DNAH11: variants seen among roughly 807,000 people sequenced by gnomAD.
DNAH11 encodes dynein axonemal heavy chain 11, also known as axonemal beta dynein heavy chain 11.
Under a neutral mutation model 526.0 loss-of-function variants are expected in DNAH11, and 442 were observed. The observed-to-expected ratio is 0.84, with a 90% CI of 0.78 to 0.91. The LOEUF is 0.91. Ranked by LOEUF, DNAH11 falls within the 40% of genes least tolerant of loss-of-function variation. The pLI is 0.00. For synonymous variants in DNAH11, 2,461 were observed against 1,935.9 expected (o/e 1.27, Z -7.12); for missense variants, 6,989 against 5,448.7 (o/e 1.28, Z -8.90).
chr7:21,854,475 G>A lies in DNAH11; in HGVS notation c.11202+20G>A. 6.2e-7 allele frequency: 1 copy of A among 1,606,518 alleles called. No individual in the cohort carries two copies. Among genetic ancestry groups the A allele is most frequent in the Non-Finnish European group, 8.5e-7 (1 of 1,177,590 alleles). On this transcript the variant is annotated intron_variant, in intron 68 of 81. Coordinates refer to ENST00000409508, the MANE Select transcript of DNAH11 (RefSeq NM_001277115.2). ...TTGAAGGTAATGCTGAATGAGCTAA[G>A]AAATATGGGAAACTTTAGGAGTTCA... is the stretch of plus-strand genomic sequence containing the variant.
At chr7:21,571,422 G>A (rs1783884710) in intron 7 of DNAH11, among the ~76,000 whole-genome samples, 1 of 152,016 alleles carries the variant, frequency 6.6e-6, no homozygotes, top group South Asian at 2.1e-4. Flanking sequence ...TGGGACTACA[G>A]GTGCACGCCA....
chr7:21,892,706 A>T (rs768387370), intron 77 of DNAH11, 39 bp downstream of exon 77: 2 of 1,533,164 alleles, frequency 1.3e-6, no homozygotes, highest in Non-Finnish European at 8.8e-7. Context: ...TCATTGAAGT[A>T]TAACTTACTT....
chr7:21,812,494 C>T (rs1297412016), intron 63 of DNAH11, among the ~76,000 whole-genome samples: 1 of 148,008 alleles, frequency 6.8e-6, no homozygotes, highest in Non-Finnish European at 1.5e-5. Flanking sequence ...CACAGTGAGA[C>T]ACTATCTATA....
chr7:21,702,143 T>C (rs1488730924), intron 36 of DNAH11, among the ~76,000 whole-genome samples: 6 of 152,154 alleles, frequency 3.9e-5, no homozygotes, highest in Non-Finnish European at 7.4e-5. Context: ...CTCTAAGAGC[T>C]CAGACCCTGT....
At chr7:21,740,112 G>C (rs1218040732) in intron 48 of DNAH11, among the ~76,000 whole-genome samples, 2 of 152,082 alleles carry the variant, frequency 1.3e-5, no homozygotes, top group Non-Finnish European at 2.9e-5. Flanking sequence ...ATATAGAATA[G>C]TGTCACTGCC....
intron 22 of DNAH11, 95 bp from the exon 23 acceptor site, chr7:21,617,524 C>A: frequency 7.2e-7 from 1 of 1,397,020 alleles, no homozygotes; most frequent in Non-Finnish European, 9.8e-7. Context: ...CTTTTCTAAT[C>A]CAGGAGTTGG....
chr7:21,720,212 C>T (rs1012335314), intron 43 of DNAH11, among the ~76,000 whole-genome samples: 2 of 152,140 alleles, frequency 1.3e-5, no homozygotes, highest in African/African-American at 4.8e-5. Context: ...GCTGCCAAAG[C>T]GCTTACCGAA....
Position 21,872,135 on chromosome 7 carries a change from A to AAAAAAAAAAAAAAC in DNAH11, c.11968-1126_11968-1125insCAAAAAAAAAAAAA, listed in dbSNP as rs1562595924. 1.2e-4 allele frequency among the ~76,000 whole-genome samples: 17 copies of AAAAAAAAAAAAAAC among 137,242 alleles called. 2 individuals carry two copies. Among genetic ancestry groups the AAAAAAAAAAAAAAC allele is most frequent in the Non-Finnish European group, 2.0e-4 (13 of 64,298 alleles). The allele number at this position is 137,242 out of a possible 152,430, so 90.0% of individuals were successfully genotyped here. A position where few individuals can be genotyped will look rare whatever the true frequency, so the allele number is the denominator to read the frequency against. On this transcript the variant is annotated intron_variant, in intron 73 of 81. Transcript: ENST00000409508. ...CGAGACTCTGTCTCAAAAAAAAAAA[A>AAAAAAAAAAAAAAC]AAAAAAAAAAAAAACCTTCATAATG...
In DNAH11 at chr7:21,561,119, C is replaced by G; in HGVS notation, c.931C>G (p.Gln311Glu). Residue 311 changes from glutamine (Q) to glutamate (E), a missense_variant, in exon 5 of 82, where the codon CAA becomes GAA. Transcript: ENST00000409508. Reference protein sequence around the residue: ...LKMVKILTTKQSSYFPTLKDI... With the variant: ...LKMVKILTTKESSYFPTLKDI... ...AATGGTTAAGATCCTGACAACTAAA[C>G]AAAGCAGCTATTTTCCTACTCTGAA... The G allele has an allele frequency of 6.2e-7, 1 of 1,605,396 alleles. No individual in the cohort carries two copies. Among genetic ancestry groups the G allele is most frequent in the Non-Finnish European group, 8.5e-7 (1 of 1,175,742 alleles).
Position 21,855,029 on chromosome 7 carries a change from A to ATTT in DNAH11, c.11202+592_11202+594dup, listed in dbSNP as rs61635369. On this transcript the variant is annotated intron_variant, in intron 68 of 81. Coordinates refer to ENST00000409508, the MANE Select transcript of DNAH11 (RefSeq NM_001277115.2). ...TGTATTGCTCCTGAGCAGTCTCTTA[A>ATTT]TTTTTTTTTTTTTTTTTTTTGGGAT... is the stretch of plus-strand genomic sequence containing the variant. Among the ~76,000 whole-genome samples the ATTT allele has an allele frequency of 4.6e-3, 523 of 114,530 alleles. 7 individuals are homozygous for ATTT. Among genetic ancestry groups the ATTT allele is most frequent in the African/African-American group, 0.016 (480 of 30,446 alleles). 75.1% of individuals were successfully genotyped at this position (114,530 alleles called of 152,430 possible).
intron 18 of DNAH11, among the ~76,000 whole-genome samples, chr7:21,602,322 AG>A (rs1785122311): frequency 6.6e-6 from 1 of 152,138 alleles, no homozygotes. Flanking sequence ...ATGGGGACAA[AG>A]CGAGACTCCT....
intron 28 of DNAH11, among the ~76,000 whole-genome samples, chr7:21,647,071 A>G (rs1787388303): frequency 1.3e-5 from 2 of 152,222 alleles, no homozygotes; most frequent in East Asian, 1.9e-4. Flanking sequence ...CATGTGTTCA[A>G]AAAGTTAAGT....
chr7:21,552,011 C>A (rs1317264244), intron 2 of DNAH11, among the ~76,000 whole-genome samples: 1 of 152,208 alleles, frequency 6.6e-6, no homozygotes, highest in African/African-American at 2.4e-5. Flanking sequence ...ACTCTCCTAG[C>A]AGCAGGGCTG....
chr7:21,824,975 G>T (rs1283454630), intron 65 of DNAH11, among the ~76,000 whole-genome samples: 1 of 152,092 alleles, frequency 6.6e-6, no homozygotes, highest in Non-Finnish European at 1.5e-5. Context: ...AGGTTCAAGT[G>T]ATTCTCCTGC....
intron 44 of DNAH11, among the ~76,000 whole-genome samples, chr7:21,723,173 A>C (rs1466518445): frequency 6.6e-6 from 1 of 152,242 alleles, no homozygotes; most frequent in Non-Finnish European, 1.5e-5. Context: ...TTGGTAGCTT[A>C]ACAAATTGAG....
intron 79 of DNAH11, among the ~76,000 whole-genome samples, chr7:21,895,661 A>C (rs573760327): frequency 1.3e-5 from 2 of 152,230 alleles, no homozygotes; most frequent in South Asian, 4.1e-4. Context: ...TATTCCATGA[A>C]CCTCAACTAT....
chr7:21,622,999 A>G (rs1160231419), intron 25 of DNAH11, among the ~76,000 whole-genome samples: 2 of 152,196 alleles, frequency 1.3e-5, no homozygotes, highest in Admixed American at 6.5e-5. Flanking sequence ...GCTTCTGCAC[A>G]ACAAAAGAAA....
intron 65 of DNAH11, among the ~76,000 whole-genome samples, chr7:21,836,481 A>G (rs1782002255): frequency 6.6e-6 from 1 of 152,176 alleles, no homozygotes; most frequent in African/African-American, 2.4e-5. Flanking sequence ...GTTACCAAGA[A>G]TACACATTGT....
intron 6 of DNAH11, among the ~76,000 whole-genome samples, chr7:21,565,428 A>G (rs1239744284): frequency 1.3e-5 from 2 of 152,226 alleles, no homozygotes; most frequent in Non-Finnish European, 2.9e-5. Context: ...TTTCAAATGA[A>G]TTAACCAAGA....
Sources: gnomAD v4.1 joint callset for allele counts (sites outside exome capture counted in the v4.1 genomes callset) on GRCh38, gnomAD v4.1.1 for gene constraint, MANE v1.5 for transcripts, NCBI Gene and HGNC (gene_info 2026-07-23, HGNC 2026-07-21) for gene names.